The following KCNIP1 variants were observed in gnomAD, a reference collection of about 807,000 sequenced individuals.
The protein encoded by KCNIP1 is potassium voltage-gated channel interacting protein 1, also known as A-type potassium channel modulatory protein KCNIP1.
A neutral mutation model predicts 33.0 loss-of-function variants in KCNIP1; 18 were observed. The ratio of observed to expected loss-of-function variants is 0.55; its 90% confidence interval spans 0.38 to 0.81. The LOEUF (loss-of-function observed/expected upper bound fraction) is 0.81. Among genes scored for constraint, KCNIP1 ranks in the 30% least tolerant of loss-of-function variants. KCNIP1 has a pLI of 0.00. For synonymous variants in KCNIP1, 93 were observed against 98.3 expected, an observed-to-expected ratio of 0.95 and a Z score of 0.32; for missense variants, 238 against 271.6, an observed-to-expected ratio of 0.88 and a Z score of 0.87.
chr5:170,735,313 A>C (rs1364740191), intron 7 of KCNIP1, among the ~76,000 whole-genome samples: 1 of 152,190 alleles, frequency 6.6e-6, no homozygotes. Flanking sequence ...CTTCTAATTC[A>C]TGGTTCAGAG....
chr5:170,604,662 G>A (rs1353290612), intron 1 of KCNIP1, among the ~76,000 whole-genome samples: 1 of 152,202 alleles, frequency 6.6e-6, no homozygotes, highest in Non-Finnish European at 1.5e-5. Context: ...CTGGTATGTA[G>A]TGGAAGCTGG....
At chr5:170,423,746 G>A (rs190416326) in intron 1 of KCNIP1, among the ~76,000 whole-genome samples, 6 of 152,292 alleles carry the variant, frequency 3.9e-5, no homozygotes, top group Admixed American at 1.3e-4. Flanking sequence ...GCGGGGGTGC[G>A]TCTGGCTTTA....
At chr5:170,353,778 G>A in exon 1 of KCNIP1, 2 of 1,058,040 alleles carry the variant, frequency 1.9e-6, no homozygotes, top group South Asian at 1.3e-5. Flanking sequence ...CGTCACTCAG[G>A]GTTCATTCAC....
intron 1 of KCNIP1, among the ~76,000 whole-genome samples, chr5:170,443,327 C>G (rs753998074): frequency 3.3e-5 from 5 of 151,780 alleles, no homozygotes; most frequent in Non-Finnish European, 7.4e-5. Flanking sequence ...GAACACCCCA[C>G]AGTTCCAATG....
intron 1 of KCNIP1, among the ~76,000 whole-genome samples, chr5:170,591,677 C>A (rs190779117): frequency 1.3e-5 from 2 of 152,304 alleles, no homozygotes; most frequent in Non-Finnish European, 2.9e-5. Flanking sequence ...ACTCTAGGTA[C>A]CTCGTATAAT....
intron 1 of KCNIP1, among the ~76,000 whole-genome samples, chr5:170,547,780 A>G (rs1367663513): frequency 6.6e-6 from 1 of 152,184 alleles, no homozygotes; most frequent in African/African-American, 2.4e-5. Context: ...GCTGATGGAC[A>G]TTTAGGTTGA....
At chr5:170,503,947 CA>C, upstream of KCNIP1, 17 of 413,442 alleles carry the variant, frequency 4.1e-5, no homozygotes, top group Non-Finnish European at 5.2e-5. Context: ...CCCCACCGTG[CA>C]GCCCTCGCCC....
chr5:170,430,143 A>G (rs959501790), intron 1 of KCNIP1, among the ~76,000 whole-genome samples: 4 of 152,178 alleles, frequency 2.6e-5, no homozygotes, highest in African/African-American at 9.7e-5. Context: ...AAATCAGGTG[A>G]CAGGAATCAT....
intron 1 of KCNIP1, among the ~76,000 whole-genome samples, chr5:170,590,112 G>T (rs1245152917): frequency 6.6e-6 from 1 of 152,150 alleles, no homozygotes; most frequent in African/African-American, 2.4e-5. Flanking sequence ...GTAAGTGCTG[G>T]TGTTGATTTT....
At chr5:170,663,426 C>T (rs1561749772) in intron 1 of KCNIP1, among the ~76,000 whole-genome samples, 1 of 152,134 alleles carries the variant, frequency 6.6e-6, no homozygotes, top group Non-Finnish European at 1.5e-5. Context: ...CACCCAGGTG[C>T]CTCTCCCCCA....
At chr5:170,636,796 C>T (rs1453590939) in intron 1 of KCNIP1, among the ~76,000 whole-genome samples, 2 of 152,200 alleles carry the variant, frequency 1.3e-5, no homozygotes, top group African/African-American at 4.8e-5. Flanking sequence ...ATATCTCCTA[C>T]ATACGAAGTG....
intron 1 of KCNIP1, among the ~76,000 whole-genome samples, chr5:170,444,619 C>T (rs1291412643): frequency 6.6e-6 from 1 of 151,948 alleles, no homozygotes; most frequent in Admixed American, 6.6e-5. Flanking sequence ...TGTCCCAACC[C>T]CTACAAAAGT....
intron 1 of KCNIP1, chr5:170,669,775 A>C: frequency 4.4e-6 from 2 of 458,232 alleles, no homozygotes; most frequent in Non-Finnish European, 5.7e-6. Context: ...CATTTTGAGA[A>C]AGTGAAAAAC....
At chr5:170,426,272 C>CACACACACAA (rs1184383859) in intron 1 of KCNIP1, among the ~76,000 whole-genome samples, 3 of 151,760 alleles carry the variant, frequency 2.0e-5, no homozygotes, top group African/African-American at 7.3e-5. Flanking sequence ...CACACACACA[C>CACACACACAA]AAACACACAC....
chr5:170,725,151 T>G (rs1374397209), intron 5 of KCNIP1, among the ~76,000 whole-genome samples: 2 of 152,192 alleles, frequency 1.3e-5, no homozygotes, highest in African/African-American at 4.8e-5. Context: ...AGCTACCATA[T>G]GATCCAACAA....
At chr5:170,652,584 G>A (rs1396509048) in intron 1 of KCNIP1, among the ~76,000 whole-genome samples, 3 of 151,852 alleles carry the variant, frequency 2.0e-5, no homozygotes, top group Non-Finnish European at 2.9e-5. Flanking sequence ...GATTTCCTTC[G>A]AGGTAGCCAG....
At chr5:170,614,327 CTCACTAGGGGCTATAAT>C (rs1406872439) in intron 1 of KCNIP1, among the ~76,000 whole-genome samples, 1 of 152,218 alleles carries the variant, frequency 6.6e-6, no homozygotes, top group Non-Finnish European at 1.5e-5. Context: ...GGGCCCCCTC[CTCACTAGGGGCTATAAT>C]TCATGCAGTT....
rs200093925 is a variant in KCNIP1 at position 170,715,387 on chromosome 5, AT to A, written c.62-3363del. On this transcript the variant is annotated intron_variant, in intron 1 of 7. Transcript: ENST00000328939. ...ATAAGCAAATGTGCAGTGATTGTGC[AT>A]TTTTTTTCCTGAGAGAGTCTAAACC... Among the ~76,000 whole-genome samples, 36 of 152,186 alleles carry A rather than the reference AT, an allele frequency of 2.4e-4. 1 individual carries two copies. The East Asian group carries it at 6.6e-3, about 28-fold the overall frequency.
At chr5:170,620,534 A>C (rs1193110614) in intron 1 of KCNIP1, among the ~76,000 whole-genome samples, 2 of 152,172 alleles carry the variant, frequency 1.3e-5, no homozygotes, top group Non-Finnish European at 2.9e-5. Flanking sequence ...TTGCCTGGGG[A>C]GGGGCTACGC....
Sources: gnomAD v4.1 joint callset for allele counts (sites outside exome capture counted in the v4.1 genomes callset) on GRCh38, gnomAD v4.1.1 for gene constraint, MANE v1.5 for transcripts, NCBI Gene and HGNC (gene_info 2026-07-23, HGNC 2026-07-21) for gene names.